COMMD6: variants seen among roughly 807,000 people sequenced by gnomAD.
COMMD6 encodes the protein COMM domain containing 6.
A neutral mutation model predicts 13.4 loss-of-function variants in COMMD6; 11 were observed. The observed-to-expected ratio is 0.82, with a 90% CI of 0.52 to 1.36. COMMD6 has a LOEUF of 1.36. Ranked by LOEUF, COMMD6 falls within the 40% of genes most tolerant of loss-of-function variation. The pLI is 0.00. For missense variants in COMMD6, 124 were observed against 102.4 expected, an observed-to-expected ratio of 1.21 and a Z score of -0.91; for synonymous variants, 43 against 36.5, an observed-to-expected ratio of 1.18 and a Z score of -0.64.
upstream of COMMD6, among the ~76,000 whole-genome samples, chr13:75,539,477 T>C (rs1377641408): frequency 1.3e-5 from 2 of 152,086 alleles, no homozygotes; most frequent in African/African-American, 2.4e-5. Flanking sequence ...TGTCCTCACG[T>C]AATCCACCCA....
At chr13:75,541,630 G>C (rs17350771), upstream of COMMD6, among the ~76,000 whole-genome samples, 4,469 of 152,092 alleles carry the variant, frequency 0.029, 82 homozygotes, top group Non-Finnish European at 0.047. Flanking sequence ...GCGTAGAGTT[G>C]TGTGATTGGT....
chr13:75,532,217 C>T (rs556051576), intron 2 of COMMD6, among the ~76,000 whole-genome samples: 6 of 152,232 alleles, frequency 3.9e-5, no homozygotes, highest in South Asian at 2.1e-4. Context: ...TGTGGTTACA[C>T]GAGTGTTCGC....
intron 1 of COMMD6, among the ~76,000 whole-genome samples, chr13:75,544,505 G>A (rs561959826): frequency 6.8e-4 from 104 of 152,252 alleles, no homozygotes; most frequent in African/African-American, 2.3e-3. Context: ...CTCACATGGT[G>A]TAATCCCAGC....
chr13:75,538,499 T>C (rs2030760825), upstream of COMMD6, among the ~76,000 whole-genome samples: 1 of 152,238 alleles, frequency 6.6e-6, no homozygotes, highest in Non-Finnish European at 1.5e-5. Context: ...AACACCTGTA[T>C]ACCCTTCATC....
intron 3 of COMMD6, among the ~76,000 whole-genome samples, chr13:75,526,907 TA>T (rs1370552789): frequency 6.6e-6 from 1 of 152,174 alleles, no homozygotes; most frequent in Non-Finnish European, 1.5e-5. Flanking sequence ...CCAGATTTAT[TA>T]AATACTCAGC....
chr13:75,535,585 T>C (rs2030637266), intron 2 of COMMD6, among the ~76,000 whole-genome samples: 1 of 152,136 alleles, frequency 6.6e-6, no homozygotes, highest in South Asian at 2.1e-4. Flanking sequence ...CCTCCAGTAA[T>C]TTGTCGATTT....
chr13:75,547,171 AT>A (rs1276818944), intron 1 of COMMD6, among the ~76,000 whole-genome samples: 1 of 152,180 alleles, frequency 6.6e-6, no homozygotes, highest in Non-Finnish European at 1.5e-5. Flanking sequence ...CTTGGGGGCC[AT>A]TTTAAACATT....
Position 75,537,786 on chromosome 13 carries a change from G to A in COMMD6, c.20C>T (p.Pro7Leu), listed in dbSNP as rs372073245. 1.1e-5 allele frequency: 18 copies of A among 1,610,922 alleles called. No homozygotes were observed. Among genetic ancestry groups the A allele is most frequent in the Admixed American group, 1.7e-5 (1 of 59,840 alleles). The change falls in exon 1 of 4, where the codon CCG (proline) becomes CTG (leucine). Residue 7 changes from proline (P) to leucine (L), a missense_variant. By Grantham distance (98) the Pro-to-Leu change is moderately conservative (BLOSUM62 -3). Coordinates refer to ENST00000682242, the MANE Select transcript of COMMD6 (RefSeq NM_203495.4). ...CACATCGGACTTAGCATCCAGCGGC[G>A]GCTCGCTGGACGCCTCCATGGGCAG... MEASSE[P>L]PLDAKSDVTN...
chr13:75,538,169 C>T (rs2030750613), upstream of COMMD6, among the ~76,000 whole-genome samples: 2 of 152,182 alleles, frequency 1.3e-5, no homozygotes, highest in Admixed American at 6.5e-5. Flanking sequence ...CAACCAAATT[C>T]GGAAGGCGCT....
intron 2 of COMMD6, chr13:75,537,412 A>C: frequency 6.4e-7 from 1 of 1,551,208 alleles, no homozygotes; most frequent in South Asian, 1.2e-5. Flanking sequence ...ACTGTCGCCT[A>C]ATCAAAGCCC....
chr13:75,531,014 CAG>C (rs2030460572), intron 2 of COMMD6, among the ~76,000 whole-genome samples: 1 of 152,198 alleles, frequency 6.6e-6, no homozygotes, highest in African/African-American at 2.4e-5. Context: ...ACATAAAACA[CAG>C]GGGTAAATAC....
At chr13:75,529,310 G>C (rs1034384678) in intron 3 of COMMD6, among the ~76,000 whole-genome samples, 2 of 152,130 alleles carry the variant, frequency 1.3e-5, no homozygotes, top group Admixed American at 1.3e-4. Flanking sequence ...CACAAGGTCA[G>C]GAGATCGAGA....
At chr13:75,529,925 T>C (rs2030410137) in intron 3 of COMMD6, 189 bp downstream of exon 3, 5 of 544,820 alleles carry the variant, frequency 9.2e-6, no homozygotes, top group Non-Finnish European at 1.6e-5. Context: ...GCACATTATA[T>C]TGAAAATAAT....
chr13:75,543,365 G>T (rs2030855480), upstream of COMMD6, among the ~76,000 whole-genome samples: 1 of 152,098 alleles, frequency 6.6e-6, no homozygotes, highest in African/African-American at 2.4e-5. Context: ...GAATAGGAAA[G>T]AAAATGGACT....
At chr13:75,535,052 G>T (rs968152621) in intron 2 of COMMD6, among the ~76,000 whole-genome samples, 2 of 152,226 alleles carry the variant, frequency 1.3e-5, no homozygotes, top group East Asian at 3.8e-4. Flanking sequence ...GTGACAGAGT[G>T]ACAAGAAAGG....
rs964336287 is a variant in COMMD6, at chr13:75,526,343, T to C, written c.*246A>G. The C allele has an allele frequency of 1.6e-5, 6 of 383,008 alleles. No individual in the cohort carries two copies. In the Admixed American group the frequency reaches 2.2e-4, roughly 14 times the overall value. 23.7% of individuals were successfully genotyped at this position (383,008 alleles called of 1,614,324 possible). A position where few individuals can be genotyped will look rare whatever the true frequency, so the allele number is the denominator to read the frequency against. Reference sequence around the variant, plus strand: ...TTCAACTGTTAGTCTGATTACATCATTCACATTATCACCAAGTATATCCTC... The same window carrying C: ...TTCAACTGTTAGTCTGATTACATCACTCACATTATCACCAAGTATATCCTC... On this transcript the variant is annotated 3_prime_UTR_variant, in exon 4 of 4. Transcript: ENST00000682242.
chr13:75,541,566 G>C (rs908963990), upstream of COMMD6, among the ~76,000 whole-genome samples: 1 of 151,768 alleles, frequency 6.6e-6, no homozygotes, highest in African/African-American at 2.4e-5. Context: ...GACCAATACG[G>C]GTCTGGAGTG....
upstream of COMMD6, among the ~76,000 whole-genome samples, chr13:75,538,486 A>G (rs1438460838): frequency 3.3e-5 from 5 of 152,206 alleles, no homozygotes; most frequent in Admixed American, 2.6e-4. Context: ...AAATAATTCA[A>G]TGAACACCTG....
chr13:75,535,726 T>C (rs1044010283), intron 2 of COMMD6, among the ~76,000 whole-genome samples: 9 of 152,256 alleles, frequency 5.9e-5, no homozygotes, highest in African/African-American at 1.9e-4. Context: ...CCAAGAGGAG[T>C]TGTTGATTTT....
Sources: gnomAD v4.1 joint callset for allele counts (sites outside exome capture counted in the v4.1 genomes callset) on GRCh38, gnomAD v4.1.1 for gene constraint, MANE v1.5 for transcripts, NCBI Gene and HGNC (gene_info 2026-07-23, HGNC 2026-07-21) for gene names.